Variants in TLN2 observed in about 807,000 individuals in gnomAD.
TLN2 encodes talin 2.
Under a neutral mutation model 294.7 loss-of-function variants are expected in TLN2, and 118 were observed. The observed-to-expected ratio is 0.40, with a 90% confidence interval of 0.34 to 0.47. The LOEUF (loss-of-function observed/expected upper bound fraction) is 0.47. Among genes scored for constraint, TLN2 ranks in the 20% least tolerant of loss-of-function variants. The pLI is 0.84. For missense variants in TLN2, 3,083 were observed against 3,282.2 expected (o/e 0.94, Z 1.48); for synonymous variants, 1,431 against 1,304.5 (o/e 1.10, Z -2.09).
At chr15:62,516,211 G>C (rs1339688964) in intron 1 of TLN2, among the ~76,000 whole-genome samples, 2 of 152,148 alleles carry the variant, frequency 1.3e-5, no homozygotes, top group African/African-American at 2.4e-5. Flanking sequence ...TAGTTGAGAG[G>C]GTAAGGCAGT....
chr15:62,791,013 A>C (rs2065036524), intron 45 of TLN2, among the ~76,000 whole-genome samples: 1 of 152,154 alleles, frequency 6.6e-6, no homozygotes, highest in African/African-American at 2.4e-5. Context: ...GGTGTATAGA[A>C]GTGTATAGAA....
At chr15:62,502,099 T>C (rs1434738252) in intron 1 of TLN2, among the ~76,000 whole-genome samples, 1 of 152,236 alleles carries the variant, frequency 6.6e-6, no homozygotes, top group Non-Finnish European at 1.5e-5. Context: ...AATATGCCTG[T>C]GTAATGCATG....
At chr15:62,584,286 G>A (rs144659981) in intron 1 of TLN2, among the ~76,000 whole-genome samples, 24 of 152,260 alleles carry the variant, frequency 1.6e-4, no homozygotes, top group African/African-American at 5.5e-4. Context: ...CCTTAATTTT[G>A]TTTAAACCAG....
chr15:62,484,267 A>G (rs946331378), intron 1 of TLN2, among the ~76,000 whole-genome samples: 3 of 152,160 alleles, frequency 2.0e-5, no homozygotes, highest in African/African-American at 7.2e-5. Context: ...ACTTAGTCAA[A>G]ACTGAGCAAA....
chr15:62,407,598 G>A (rs1044176123), intron 1 of TLN2, among the ~76,000 whole-genome samples: 9 of 152,018 alleles, frequency 5.9e-5, no homozygotes, highest in African/African-American at 1.2e-4. Flanking sequence ...GGCTTGCGTC[G>A]GAATCCCTAG....
At chr15:62,651,917 T>C in intron 5 of TLN2, 88 bp from the exon 6 acceptor site, 2 of 1,409,848 alleles carry the variant, frequency 1.4e-6, no homozygotes, top group Non-Finnish European at 9.4e-7. Flanking sequence ...TCTGATTTTT[T>C]TAAAATTCAT....
At chr15:62,429,485 G>A (rs994663196) in intron 1 of TLN2, among the ~76,000 whole-genome samples, 3 of 152,194 alleles carry the variant, frequency 2.0e-5, no homozygotes, top group Non-Finnish European at 4.4e-5. Flanking sequence ...GTCTTGGCCA[G>A]GGTTTAGTTA....
chr15:62,738,091 G>A (rs1334858613), intron 29 of TLN2, 123 bp from the exon 30 acceptor site: 5 of 1,050,022 alleles, frequency 4.8e-6, no homozygotes, highest in Non-Finnish European at 7.0e-6. Context: ...GGTAAGAGTG[G>A]CAGGTGGATG....
At chr15:62,672,336 C>A (rs114873707) in intron 9 of TLN2, among the ~76,000 whole-genome samples, 50 of 152,200 alleles carry the variant, frequency 3.3e-4, no homozygotes, top group African/African-American at 1.2e-3. Flanking sequence ...TTAAAAAAAT[C>A]TTTGTAGGTA....
rs768302958 is a variant in TLN2, at chr15:62,763,609, A to C, written c.5008A>C (p.Ile1670Leu). The C allele has an allele frequency of 1.4e-5, 22 of 1,613,808 alleles. No homozygotes were observed. In the East Asian group the frequency reaches 4.9e-4, roughly 36 times the overall value. The change falls in exon 40 of 59, where the codon ATC (isoleucine) becomes CTC (leucine). Residue 1670 changes from isoleucine (I) to leucine (L), a missense_variant. Ile to Leu is a conservative substitution (Grantham distance 5). Transcript: ENST00000636159. ...GGAGTGTGATTACTCCATCGATGGC[A>C]TCAACCGGTGCATCCGGGACATCGA... ...QRECDYSIDG[I>L]NRCIRDIEQA...
chr15:62,688,244 A>G (rs2057460636), intron 12 of TLN2, among the ~76,000 whole-genome samples: 1 of 152,180 alleles, frequency 6.6e-6, no homozygotes, highest in Non-Finnish European at 1.5e-5. Context: ...ATTAAAGCCC[A>G]TTATACGTAG....
At chr15:62,450,552 TG>T in intron 1 of TLN2, among the ~76,000 whole-genome samples, 1 of 18,276 alleles carries the variant, frequency 5.5e-5, no homozygotes, top group South Asian at 2.9e-3. Context: ...TATGTATGTG[TG>T]TGTGTGTGTG....
chr15:62,617,455 A>T (rs2048400110), intron 2 of TLN2, among the ~76,000 whole-genome samples: 1 of 152,162 alleles, frequency 6.6e-6, no homozygotes, highest in Non-Finnish European at 1.5e-5. Context: ...GCACTCACCT[A>T]TCCTTGTTTG....
At chr15:62,458,119 C>T (rs184514287) in intron 1 of TLN2, among the ~76,000 whole-genome samples, 1 of 152,200 alleles carries the variant, frequency 6.6e-6, no homozygotes, top group Admixed American at 6.5e-5. Flanking sequence ...AACGGTAGAG[C>T]CTTTATTGCT....
At chr15:62,640,343 T>C (rs1238831552) in intron 3 of TLN2, 4 of 456,346 alleles carry the variant, frequency 8.8e-6, no homozygotes, top group Middle Eastern at 3.3e-4. Flanking sequence ...TCCCAGGAGG[T>C]CACGGTGGAG....
intron 14 of TLN2, among the ~76,000 whole-genome samples, chr15:62,696,645 T>C (rs1339863657): frequency 1.3e-5 from 2 of 152,042 alleles, no homozygotes; most frequent in African/African-American, 4.8e-5. Flanking sequence ...GAGGCAGAGG[T>C]TGCAGTGAGC....
chr15:62,442,925 G>A (rs1476398901), intron 1 of TLN2, among the ~76,000 whole-genome samples: 2 of 151,980 alleles, frequency 1.3e-5, no homozygotes, highest in African/African-American at 2.4e-5. Flanking sequence ...TTGGCCTAGT[G>A]GTCCTATCTT....
In TLN2 at chr15:62,707,079, T is replaced by G. The variant is rs2059120929; in HGVS notation, c.2005-7T>G. The stretch of plus-strand genomic sequence containing the variant: ...TAAATGAATAGTCTTTGATTCCCTT[T>G]TCTTAGGATGTTTTAATGAGTTTGG... On this transcript the variant is annotated splice_region_variant and splice_polypyrimidine_tract_variant and intron_variant, in intron 19 of 58. Coordinates refer to ENST00000636159, the MANE Select transcript of TLN2 (RefSeq NM_015059.3). 40 of 1,602,962 alleles carry G rather than the reference T, an allele frequency of 2.5e-5. No homozygotes were observed. In the East Asian group the frequency reaches 9.0e-4, roughly 36 times the overall value.
intron 2 of TLN2, among the ~76,000 whole-genome samples, chr15:62,600,901 T>A (rs2046943984): frequency 6.6e-6 from 1 of 152,234 alleles, no homozygotes; most frequent in Non-Finnish European, 1.5e-5. Context: ...ATGTAAACGT[T>A]ATTAATATTT....
Sources: gnomAD v4.1 joint callset for allele counts (sites outside exome capture counted in the v4.1 genomes callset) on GRCh38, gnomAD v4.1.1 for gene constraint, MANE v1.5 for transcripts, NCBI Gene and HGNC (gene_info 2026-07-23, HGNC 2026-07-21) for gene names.